Variants in TRA2B observed in about 807,000 individuals in gnomAD.
TRA2B encodes transformer-2 protein homolog beta.
Under a neutral mutation model 41.7 loss-of-function variants are expected in TRA2B, and 14 were observed. The ratio of observed to expected loss-of-function variants is 0.34; its 90% confidence interval spans 0.22 to 0.53. TRA2B has a LOEUF of 0.53. Ranked by LOEUF, TRA2B falls within the 20% of genes least tolerant of loss-of-function variation. The probability of loss-of-function intolerance (pLI) is 0.95; values close to 1 mark genes in which losing one functional copy is unlikely to be tolerated. For synonymous variants in TRA2B, 130 were observed against 128.8 expected, an observed-to-expected ratio of 1.01 and a Z score of -0.06; for missense variants, 167 against 396.8, an observed-to-expected ratio of 0.42 and a Z score of 4.92.
chr3:185,931,753 A>AT (rs1346098728), intron 1 of TRA2B: 11 of 1,473,012 alleles, frequency 7.5e-6, no homozygotes, highest in Non-Finnish European at 8.0e-6. Flanking sequence ...TCTTTCTTTT[A>AT]TTTTTTCAAA....
intron 1 of TRA2B, 40 bp downstream of exon 1, chr3:185,937,785 C>A (rs1245486331): frequency 1.2e-6 from 2 of 1,613,966 alleles, no homozygotes. Context: ...ATGCAAGGAG[C>A]TAGGACCACA....
intron 2 of TRA2B, 60 bp from the exon 3 acceptor site, chr3:185,925,686 T>C: frequency 6.5e-7 from 1 of 1,528,652 alleles, no homozygotes; most frequent in Non-Finnish European, 8.8e-7. Flanking sequence ...TCTTTATTAC[T>C]CTGTTCTAAA....
chr3:185,917,832 GC>G, intron 8 of TRA2B, 107 bp from the exon 9 acceptor site: 1 of 1,164,708 alleles, frequency 8.6e-7, no homozygotes. Flanking sequence ...ATTCCTATGT[GC>G]CAGAACCCCA....
intron 3 of TRA2B, 93 bp downstream of exon 3, chr3:185,925,371 A>T: frequency 6.9e-7 from 1 of 1,444,018 alleles, no homozygotes; most frequent in East Asian, 2.3e-5. Context: ...CTCACGCACC[A>T]ACTGCTAAAG....
At chr3:185,936,329 A>C in intron 1 of TRA2B, 1 of 985,388 alleles carries the variant, frequency 1.0e-6, no homozygotes, top group Non-Finnish European at 1.2e-6. Flanking sequence ...GCTCAATCCC[A>C]ACTTTCTTAC....
At chr3:185,936,709 C>A (rs1578490649) in intron 1 of TRA2B, 1 of 984,400 alleles carries the variant, frequency 1.0e-6, no homozygotes, top group African/African-American at 1.8e-5. Flanking sequence ...AAATTATTCC[C>A]ACAGCCTCAA....
chr3:185,922,806 A>G (rs1029131007), intron 4 of TRA2B: 9 of 152,248 alleles, frequency 5.9e-5, no homozygotes, highest in African/African-American at 1.9e-4. Flanking sequence ...AAGTTTGTTC[A>G]TAATTTGAGG....
At chr3:185,935,523 G>C in intron 1 of TRA2B, 1 of 985,436 alleles carries the variant, frequency 1.0e-6, no homozygotes, top group Non-Finnish European at 1.2e-6. Flanking sequence ...CACTGGAAAA[G>C]GTGGGGCACA....
intron 5 of TRA2B, 136 bp downstream of exon 5, chr3:185,921,875 C>A: frequency 1.8e-6 from 1 of 547,020 alleles, no homozygotes; most frequent in Admixed American, 3.5e-5. Flanking sequence ...AGAAAAATGC[C>A]CTAATGAGGA....
In TRA2B at chr3:185,916,495, G is replaced by A. The variant is rs1743503972; in HGVS notation, c.*1220C>T. 1 of 152,078 alleles carries A rather than the reference G, an allele frequency of 6.6e-6. No individual in the cohort carries two copies. Among genetic ancestry groups the A allele is most frequent in the Non-Finnish European group, 1.5e-5 (1 of 68,000 alleles). The allele number at this position is 152,078 out of a possible 1,614,324, so 9.4% of individuals were successfully genotyped here. A position where few individuals can be genotyped will look rare whatever the true frequency, so the allele number is the denominator to read the frequency against. ...AAATTACTTAAATGCAAAATAATAAGAACATGTATTAAAGTACCCGCAGTC... is the reference window on the plus strand; with the variant it reads ...AAATTACTTAAATGCAAAATAATAAAAACATGTATTAAAGTACCCGCAGTC... On this transcript the variant is annotated 3_prime_UTR_variant, in exon 9 of 9. Coordinates refer to ENST00000453386, the MANE Select transcript of TRA2B (RefSeq NM_004593.3).
chr3:185,926,744 G>A lies in TRA2B; in HGVS notation c.37-10C>T. ...AAGCAGAACGGGATTCCTACACGTA[G>A]ATGTTAAAAGTTTAATTTGCACACT... On this transcript the variant is annotated splice_polypyrimidine_tract_variant and intron_variant, in intron 1 of 8. Transcript: ENST00000453386. The A allele has an allele frequency of 1.2e-6, 2 of 1,613,622 alleles. No individual in the cohort carries two copies. Among genetic ancestry groups the A allele is most frequent in the Non-Finnish European group, 1.7e-6 (2 of 1,179,732 alleles).
chr3:185,936,555 G>A lies in TRA2B; in HGVS notation c.36+1270C>T, dbSNP rs1015455981. 16 of 985,262 alleles carry A rather than the reference G, an allele frequency of 1.6e-5. No individual in the cohort carries two copies. The African/African-American group carries it at 2.4e-4, about 15-fold the overall frequency. The allele number at this position is 985,262 out of a possible 1,614,324, so 61.0% of individuals were successfully genotyped here. A position where few individuals can be genotyped will look rare whatever the true frequency, so the allele number is the denominator to read the frequency against. ...AAAATTTCTTCCTAAAATACTCTGA[G>A]GAATCATATAAAATCTTAATCAAAA... On this transcript the variant is annotated intron_variant, in intron 1 of 8. Transcript: ENST00000453386.
Position 185,936,304 on chromosome 3 carries a change from T to C in TRA2B, c.36+1521A>G, listed in dbSNP as rs149314837. ...TGCCAATGATCAGAAGTCACGACTTTTTAACAACTTTTGAGCTCAATCCCA... is the reference window on the plus strand; with the variant it reads ...TGCCAATGATCAGAAGTCACGACTTCTTAACAACTTTTGAGCTCAATCCCA... On this transcript the variant is annotated intron_variant, in intron 1 of 8. Coordinates refer to ENST00000453386, the MANE Select transcript of TRA2B (RefSeq NM_004593.3). 9 of 985,418 alleles carry C rather than the reference T, an allele frequency of 9.1e-6. No homozygotes were observed. In the East Asian group the frequency reaches 1.0e-3, roughly 112 times the overall value. 61.0% of individuals were successfully genotyped at this position (985,418 alleles called of 1,614,324 possible). A position where few individuals can be genotyped will look rare whatever the true frequency, so the allele number is the denominator to read the frequency against.
intron 1 of TRA2B, chr3:185,934,952 T>C (rs575395636): frequency 1.0e-6 from 1 of 985,462 alleles, no homozygotes; most frequent in East Asian, 1.1e-4. Flanking sequence ...CAGTGTCTCC[T>C]TAGTTTCTGG....
At chr3:185,935,327 A>T in intron 1 of TRA2B, 2 of 984,454 alleles carry the variant, frequency 2.0e-6, no homozygotes, top group Non-Finnish European at 2.4e-6. Context: ...TTTTAGTGTT[A>T]ATCTATTACC....
chr3:185,923,736 C>CTGATA, intron 4 of TRA2B, 60 bp downstream of exon 4: 1 of 1,476,706 alleles, frequency 6.8e-7, no homozygotes. Flanking sequence ...CAATTGGTCA[C>CTGATA]TGATAACTTG....
At chr3:185,933,693 T>C (rs1303383591) in intron 1 of TRA2B, among the ~76,000 whole-genome samples, 1 of 152,080 alleles carries the variant, frequency 6.6e-6, no homozygotes, top group African/African-American at 2.4e-5. Flanking sequence ...GAAGAGTAAA[T>C]GGATAAGTAA....
intron 2 of TRA2B, among the ~76,000 whole-genome samples, chr3:185,926,400 G>A (rs1289995254): frequency 1.3e-5 from 2 of 152,112 alleles, no homozygotes; most frequent in Admixed American, 6.5e-5. Flanking sequence ...GCCCAAACCA[G>A]CAAAAATAGA....
At chr3:185,935,952 A>G (rs1744335875) in intron 1 of TRA2B, 1 of 985,344 alleles carries the variant, frequency 1.0e-6, no homozygotes, top group South Asian at 4.7e-5. Flanking sequence ...CAATTCAAAG[A>G]TTGCGAAAAA....
Sources: gnomAD v4.1 joint callset for allele counts (sites outside exome capture counted in the v4.1 genomes callset) on GRCh38, gnomAD v4.1.1 for gene constraint, MANE v1.5 for transcripts, NCBI Gene and HGNC (gene_info 2026-07-23, HGNC 2026-07-21) for gene names.